The following SGIP1 variants were observed in gnomAD, a reference collection of about 807,000 sequenced individuals.
SGIP1 encodes SH3GL interacting endocytic adaptor 1, also known as SH3-containing GRB2-like protein 3-interacting protein 1.
In SGIP1, 38 loss-of-function variants were observed where a neutral mutation model predicts 107.5. That is an observed-to-expected ratio of 0.35 (90% CI 0.27 to 0.46). The LOEUF is 0.46. SGIP1 is among the 20% of genes least tolerant of loss of function. The probability of loss-of-function intolerance (pLI) is 1.00; values close to 1 mark genes in which losing one functional copy is unlikely to be tolerated. For synonymous variants in SGIP1, 365 were observed against 366.1 expected, an observed-to-expected ratio of 1.00 and a Z score of 0.03; for missense variants, 929 against 1,019.5, an observed-to-expected ratio of 0.91 and a Z score of 1.21.
chr1:66,672,089 A>C, intron 11 of SGIP1, 94 bp downstream of exon 11: 3 of 1,148,424 alleles, frequency 2.6e-6, no homozygotes, highest in Admixed American at 1.9e-5. Context: ...CTCAGCTCCC[A>C]TTAACAAAGG....
chr1:66,581,335 A>T (rs959707634), intron 1 of SGIP1, among the ~76,000 whole-genome samples: 1 of 152,044 alleles, frequency 6.6e-6, no homozygotes, highest in African/African-American at 2.4e-5. Flanking sequence ...CTTTTCTTGT[A>T]TGTAAATAGG....
chr1:66,596,599 A>C (rs990499097), intron 1 of SGIP1, among the ~76,000 whole-genome samples: 1 of 151,522 alleles, frequency 6.6e-6, no homozygotes, highest in African/African-American at 2.4e-5. Context: ...CAAGGATTTA[A>C]CTTTCAGGCT....
chr1:66,619,719 G>C (rs2070444247), intron 1 of SGIP1, among the ~76,000 whole-genome samples: 1 of 152,204 alleles, frequency 6.6e-6, no homozygotes, highest in Non-Finnish European at 1.5e-5. Flanking sequence ...ACAGCATCAT[G>C]GGTTAAGGCC....
intron 17 of SGIP1, chr1:66,694,910 G>A (rs901105033): frequency 4.4e-6 from 1 of 224,860 alleles, no homozygotes; most frequent in Non-Finnish European, 8.5e-6. Flanking sequence ...GATGCCTAAG[G>A]TGATTCCAAG....
intron 1 of SGIP1, among the ~76,000 whole-genome samples, chr1:66,571,320 A>G (rs980083117): frequency 2.0e-5 from 3 of 152,024 alleles, no homozygotes; most frequent in Non-Finnish European, 4.4e-5. Flanking sequence ...TCTAAGAATC[A>G]TTACAACCTA....
chr1:66,730,394 A>G (rs1032407989), intron 20 of SGIP1, among the ~76,000 whole-genome samples: 1 of 152,182 alleles, frequency 6.6e-6, no homozygotes, highest in African/African-American at 2.4e-5. Context: ...CAAGTTAATT[A>G]TTTGCAGTGA....
chr1:66,603,102 T>G (rs1292383770), intron 1 of SGIP1, among the ~76,000 whole-genome samples: 1 of 152,208 alleles, frequency 6.6e-6, no homozygotes, highest in Non-Finnish European at 1.5e-5. Flanking sequence ...GAATCAGTCC[T>G]AAAATAGATG....
chr1:66,544,386 G>T (rs1217309468), intron 1 of SGIP1, among the ~76,000 whole-genome samples: 2 of 152,110 alleles, frequency 1.3e-5, no homozygotes, highest in Admixed American at 6.6e-5. Context: ...GAAATACAGG[G>T]AATAAAACCA....
intron 19 of SGIP1, among the ~76,000 whole-genome samples, chr1:66,721,657 C>G (rs1384947546): frequency 1.3e-5 from 2 of 152,136 alleles, no homozygotes. Flanking sequence ...GATCTGCCCA[C>G]CTTGGCCTCC....
intron 18 of SGIP1, among the ~76,000 whole-genome samples, chr1:66,711,209 C>T (rs925025607): frequency 6.6e-6 from 1 of 152,028 alleles, no homozygotes; most frequent in African/African-American, 2.4e-5. Flanking sequence ...TTTAAAGTAC[C>T]TTAATTGTTA....
intron 19 of SGIP1, among the ~76,000 whole-genome samples, chr1:66,723,045 A>C (rs2093612074): frequency 6.6e-6 from 1 of 152,206 alleles, no homozygotes; most frequent in African/African-American, 2.4e-5. Context: ...TAAAATTTTG[A>C]AATCAGAAAC....
At chr1:66,691,832 T>C (rs1557647263) in intron 17 of SGIP1, among the ~76,000 whole-genome samples, 1 of 152,182 alleles carries the variant, frequency 6.6e-6, no homozygotes, top group Non-Finnish European at 1.5e-5. Flanking sequence ...GTTCTTTCAA[T>C]GCACTGTGAT....
chr1:66,648,701 T>A (rs1235965344), intron 7 of SGIP1, among the ~76,000 whole-genome samples: 1 of 152,154 alleles, frequency 6.6e-6, no homozygotes, highest in Non-Finnish European at 1.5e-5. Context: ...GCACCTAGGG[T>A]TATCACCTTC....
intron 1 of SGIP1, among the ~76,000 whole-genome samples, chr1:66,593,369 G>C (rs1558005911): frequency 6.6e-6 from 1 of 152,168 alleles, no homozygotes; most frequent in Non-Finnish European, 1.5e-5. Flanking sequence ...GAAACTGCTA[G>C]ATTGTCTTCC....
At chr1:66,596,946 G>A (rs2064832872) in intron 1 of SGIP1, among the ~76,000 whole-genome samples, 1 of 152,042 alleles carries the variant, frequency 6.6e-6, no homozygotes. Flanking sequence ...CAAGGTAGCT[G>A]TATTCTTAAA....
intron 5 of SGIP1, 92 bp from the exon 6 acceptor site, chr1:66,642,718 T>C (rs1248529685): frequency 9.2e-7 from 1 of 1,091,394 alleles, no homozygotes; most frequent in Non-Finnish European, 1.3e-6. Context: ...AAAAGACTTT[T>C]CTATATCCTT....
At chr1:66,612,267 C>T (rs1272807350) in intron 1 of SGIP1, among the ~76,000 whole-genome samples, 1 of 152,178 alleles carries the variant, frequency 6.6e-6, no homozygotes, top group Non-Finnish European at 1.5e-5. Flanking sequence ...AGAATGACAC[C>T]AAATCATTCA....
chr1:66,551,982 A>G (rs2057483104), intron 1 of SGIP1, among the ~76,000 whole-genome samples: 1 of 152,162 alleles, frequency 6.6e-6, no homozygotes, highest in Non-Finnish European at 1.5e-5. Context: ...TGGATCACCT[A>G]TCTCTCACCA....
chr1:66,709,719 A>C (rs1345030634), intron 18 of SGIP1, among the ~76,000 whole-genome samples: 2 of 152,154 alleles, frequency 1.3e-5, no homozygotes, highest in East Asian at 3.8e-4. Flanking sequence ...AAGCTTCTTG[A>C]CTTTTTTAAG....
Sources: gnomAD v4.1 joint callset for allele counts (sites outside exome capture counted in the v4.1 genomes callset) on GRCh38, gnomAD v4.1.1 for gene constraint, MANE v1.5 for transcripts, NCBI Gene and HGNC (gene_info 2026-07-23, HGNC 2026-07-21) for gene names.